Variants in CELA2A observed in about 807,000 individuals in gnomAD.
CELA2A encodes the protein chymotrypsin like elastase 2A, also known as chymotrypsin-like elastase family member 2A.
In CELA2A, 31 loss-of-function variants were observed where a neutral mutation model predicts 35.3. That is an observed-to-expected ratio of 0.88 (90% CI 0.66 to 1.19). The LOEUF (loss-of-function observed/expected upper bound fraction) is 1.19. Among genes scored for constraint, CELA2A ranks in the 50% most tolerant of loss-of-function variants. The pLI is 0.00. For missense variants in CELA2A, 330 were observed against 352.9 expected, an observed-to-expected ratio of 0.94 and a Z score of 0.52; for synonymous variants, 150 against 149.8, an observed-to-expected ratio of 1.00 and a Z score of -0.01.
At chr1:15,462,062 C>T in intron 3 of CELA2A, 1 of 480,452 alleles carries the variant, frequency 2.1e-6, no homozygotes, top group Non-Finnish European at 4.3e-6. Flanking sequence ...TACCAAAGGG[C>T]CTGGCACTTA....
intron 5 of CELA2A, among the ~76,000 whole-genome samples, chr1:15,465,680 T>G (rs1246541528): frequency 6.6e-6 from 1 of 152,130 alleles, no homozygotes; most frequent in Non-Finnish European, 1.5e-5. Flanking sequence ...AGAATTTCTG[T>G]TCTTTGTGGG....
At position 15,456,787 on chromosome 1, in the gene CELA2A, G is replaced by A. The variant is rs1708366848; in HGVS notation, c.34G>A (p.Ala12Thr). 3 of 1,614,056 alleles carry A rather than the reference G, an allele frequency of 1.9e-6. No homozygotes were observed. The highest frequency in any genetic ancestry group is 2.2e-5 in the South Asian group (2 of 91,088). The change falls in exon 1 of 8, where the codon GCT (alanine) becomes ACT (threonine). Residue 12 changes from alanine to threonine, a missense_variant. By Grantham distance (58) the Ala-to-Thr change is moderately conservative. Transcript: ENST00000359621. ...GACGCTGCTGCTGTCCACTTTGGTG[G>A]CTGGAGGTAAGTCCTGTTACCCAGA... ...IRTLLLSTLV[A>T]GALSCGDPTY... is the part of the protein sequence containing the mutation.
intron 6 of CELA2A, 44 bp downstream of exon 6, chr1:15,466,188 C>CTGGG: frequency 1.2e-6 from 2 of 1,606,942 alleles, no homozygotes; most frequent in Non-Finnish European, 1.7e-6. Context: ...CAAAATGTGG[C>CTGGG]TGGGGATAAG....
Position 15,457,248 on chromosome 1 carries a change from T to G in CELA2A, c.129+74T>G. The G allele has an allele frequency of 4.2e-6, 6 of 1,411,890 alleles. 1 individual carries two copies. The highest frequency in any genetic ancestry group is 6.0e-6 in the Non-Finnish European group (6 of 1,002,718). 87.5% of individuals were successfully genotyped at this position (1,411,890 alleles called of 1,614,324 possible). A position where few individuals can be genotyped will look rare whatever the true frequency, so the allele number is the denominator to read the frequency against. On this transcript the variant is annotated intron_variant, in intron 2 of 7. Transcript: ENST00000359621. The stretch of plus-strand genomic sequence containing the variant: ...ACATCTCCCCTTTGCCCTTCCACCA[T>G]GGCGTCTATTGTGCTGGCAAAGTGA...
chr1:15,468,089 T>C (rs1201100241), intron 7 of CELA2A, among the ~76,000 whole-genome samples: 1 of 74,272 alleles, frequency 1.3e-5, no homozygotes, highest in African/African-American at 4.7e-5. Context: ...TGAAACTCCA[T>C]CTAAAAAAAA....
intron 7 of CELA2A, among the ~76,000 whole-genome samples, 180 bp downstream of exon 7, chr1:15,467,718 T>C (rs888226818): frequency 6.6e-6 from 1 of 152,140 alleles, no homozygotes; most frequent in Non-Finnish European, 1.5e-5. Flanking sequence ...CCCAAATTTC[T>C]GTGTGGATAA....
intron 3 of CELA2A, 110 bp from the exon 4 acceptor site, chr1:15,462,623 A>G: frequency 7.3e-7 from 1 of 1,365,426 alleles, no homozygotes; most frequent in South Asian, 1.3e-5. Context: ...AAAGATCCCC[A>G]AGTCCCATCT....
chr1:15,467,319 G>A, intron 6 of CELA2A, 67 bp from the exon 7 acceptor site: 1 of 1,519,384 alleles, frequency 6.6e-7, no homozygotes, highest in Non-Finnish European at 9.0e-7. Context: ...AATGCATTGA[G>A]AACAATGGTT....
intron 7 of CELA2A, among the ~76,000 whole-genome samples, chr1:15,470,076 A>G (rs1327268492): frequency 6.6e-6 from 1 of 152,204 alleles, no homozygotes; most frequent in Non-Finnish European, 1.5e-5. Flanking sequence ...AGCTGGGCAG[A>G]GGCCCTGTGT....
chr1:15,463,539 A>G lies in CELA2A; in HGVS notation c.493+17A>G. 1 of 1,612,920 alleles carries G rather than the reference A, an allele frequency of 6.2e-7. No homozygotes were observed. The highest frequency in any genetic ancestry group is 1.1e-5 in the South Asian group (1 of 90,994). ...GGCTGCAGAGTAAGTGGGAGCCAGG[A>G]GCCCCCAGGCCTGGGAGGGAAGGGA... On this transcript the variant is annotated intron_variant, in intron 5 of 7. Coordinates refer to ENST00000359621, the MANE Select transcript of CELA2A (RefSeq NM_033440.3).
At chr1:15,457,007 G>A (rs953888087) in intron 1 of CELA2A, 79 bp from the exon 2 acceptor site, 1 of 1,416,436 alleles carries the variant, frequency 7.1e-7, no homozygotes, top group African/African-American at 1.4e-5. Context: ...TCTATTTGGG[G>A]GGTCAGAATG....
Position 15,457,086 on chromosome 1 carries a change from C to G in CELA2A, c.41C>G (p.Ala14Gly). ...TLLLSTLVAG[A>G]LSCGDPTYPP... ...CTCAAGACCCTTTCTCTTTTCACAGCCCTCAGTTGTGGGGACCCCACTTAC... is the reference window on the plus strand; with the variant it reads ...CTCAAGACCCTTTCTCTTTTCACAGGCCTCAGTTGTGGGGACCCCACTTAC... The change falls in exon 2 of 8, where the codon GCC becomes GGC. Residue 14 changes from alanine (A) to glycine (G), a missense_variant and splice_region_variant. By Grantham distance (60) the Ala-to-Gly change is moderately conservative. Transcript: ENST00000359621. The G allele has an allele frequency of 6.2e-7, 1 of 1,613,908 alleles. No homozygotes were observed. The highest frequency in any genetic ancestry group is 1.7e-5 in the Admixed American group (1 of 60,012).
At chr1:15,471,901 T>C (rs1708598396) in intron 7 of CELA2A, 89 bp from the exon 8 acceptor site, 1 of 1,529,966 alleles carries the variant, frequency 6.5e-7, no homozygotes. Context: ...CTCACATGAG[T>C]AGCTTAGCCC....
intron 5 of CELA2A, 38 bp from the exon 6 acceptor site, chr1:15,465,961 C>T: frequency 6.2e-7 from 1 of 1,610,722 alleles, no homozygotes. Context: ...TCTCAGGAGT[C>T]CCTGCATCCC....
chr1:15,462,698 G>C lies in CELA2A; in HGVS notation c.228-35G>C, dbSNP rs767169289. 19 of 1,612,754 alleles carry C rather than the reference G, an allele frequency of 1.2e-5. 2 individuals are homozygous for C. The South Asian group carries it at 2.0e-4, about 17-fold the overall frequency. On this transcript the variant is annotated intron_variant, in intron 3 of 7. Transcript: ENST00000359621. ...AGCATTATCCAAAGCCAGGCCTCTG[G>C]AGGTGACCCTCTCCCTGGGCCCCCT... is the stretch of plus-strand genomic sequence containing the variant.
rs915256944 is a variant in CELA2A, at chr1:15,467,391, C to G, written c.645C>G (p.Asp215Glu). 1 of 1,613,258 alleles carries G rather than the reference C, an allele frequency of 6.2e-7. No individual in the cohort carries two copies. Among genetic ancestry groups the G allele is most frequent in the Non-Finnish European group, 8.5e-7 (1 of 1,180,024 alleles). The change falls in exon 7 of 8, where the codon GAC (aspartate) becomes GAG (glutamate). Residue 215 changes from aspartate to glutamate, a missense_variant. Asp to Glu is a conservative substitution (Grantham distance 45). Coordinates refer to ENST00000359621, the MANE Select transcript of CELA2A (RefSeq NM_033440.3). Reference protein sequence around the residue: ...GDGVISSCNGDSGGPLNCQAS... With the variant: ...GDGVISSCNGESGGPLNCQAS... ...ATAACTCTGGCCTTCCTCAGGGAGA[C>G]TCTGGCGGGCCACTGAACTGTCAGG... is the stretch of plus-strand genomic sequence containing the variant.
Position 15,457,081 on chromosome 1 carries a change from C to T in CELA2A, c.41-5C>T. 6.2e-7 allele frequency: 1 copy of T among 1,613,806 alleles called. No homozygotes were observed. The highest frequency in any genetic ancestry group is 1.1e-5 in the South Asian group (1 of 91,074). ...CCTGACTCAAGACCCTTTCTCTTTT[C>T]ACAGCCCTCAGTTGTGGGGACCCCA... On this transcript the variant is annotated splice_region_variant and splice_polypyrimidine_tract_variant and intron_variant, in intron 1 of 7. Coordinates refer to ENST00000359621, the MANE Select transcript of CELA2A (RefSeq NM_033440.3).
rs746539560 is a variant in CELA2A at position 15,461,653 on chromosome 1, C to T, written c.222C>T (p.Cys74=). The part of the protein sequence containing the change: ...ANSWVLTAAH[C]ISSSRTYRVG... ...GCTGGGTCCTGACGGCTGCCCACTG[C>T]ATCAGGTAACTGCCTTTCCCTGGGC... Residue 74 remains cysteine, a synonymous_variant, in exon 3 of 8, where the codon TGC becomes TGT. Coordinates refer to ENST00000359621, the MANE Select transcript of CELA2A (RefSeq NM_033440.3). 18 of 1,613,928 alleles carry T rather than the reference C, an allele frequency of 1.1e-5. No homozygotes were observed. The South Asian group carries it at 1.6e-4, about 15-fold the overall frequency.
At chr1:15,461,532 AG>A in intron 2 of CELA2A, 28 bp from the exon 3 acceptor site, 1 of 1,611,152 alleles carries the variant, frequency 6.2e-7, no homozygotes, top group Non-Finnish European at 8.5e-7. Flanking sequence ...TTTCAAACCT[AG>A]CCACAGAGCT....
Sources: gnomAD v4.1 joint callset for allele counts (sites outside exome capture counted in the v4.1 genomes callset) on GRCh38, gnomAD v4.1.1 for gene constraint, MANE v1.5 for transcripts, NCBI Gene and HGNC (gene_info 2026-07-23, HGNC 2026-07-21) for gene names.